Variants in PALM2AKAP2 observed in about 807,000 individuals in gnomAD.
PALM2AKAP2 encodes the protein PALM2-AKAP2 fusion protein.
PALM2AKAP2 carries 37 observed loss-of-function variants against 71.5 expected under a neutral mutation model. The observed-to-expected ratio is 0.52, with a 90% confidence interval of 0.40 to 0.68. The LOEUF is 0.68. Among genes scored for constraint, PALM2AKAP2 ranks in the 30% least tolerant of loss-of-function variants. The pLI is 0.00. For synonymous variants in PALM2AKAP2, 468 were observed against 478.8 expected (o/e 0.98, Z 0.29); for missense variants, 1,224 against 1,191.8 (o/e 1.03, Z -0.40).
intron 1 of PALM2AKAP2, among the ~76,000 whole-genome samples, chr9:109,819,709 G>GTA (rs761750888): frequency 5.4e-4 from 68 of 124,996 alleles, no homozygotes; most frequent in East Asian, 1.3e-3. Context: ...GTGTGTATGT[G>GTA]TGTGTGTGTG....
At chr9:110,117,426 A>G (rs959119196) in intron 1 of PALM2AKAP2, among the ~76,000 whole-genome samples, 7 of 152,152 alleles carry the variant, frequency 4.6e-5, no homozygotes, top group African/African-American at 1.7e-4. Context: ...TACCCTGCCA[A>G]TAATCCACAT....
At chr9:109,848,117 T>G (rs1428654463) in intron 1 of PALM2AKAP2, among the ~76,000 whole-genome samples, 4 of 152,234 alleles carry the variant, frequency 2.6e-5, no homozygotes, top group Non-Finnish European at 5.9e-5. Context: ...CACCTGCTGG[T>G]GAGTGTTACT....
intron 1 of PALM2AKAP2, among the ~76,000 whole-genome samples, chr9:109,837,252 T>C (rs1236933856): frequency 2.6e-5 from 4 of 152,164 alleles, no homozygotes; most frequent in East Asian, 1.9e-4. Context: ...GAATTTTCAA[T>C]GCAGAATTTC....
rs1482620618 is a variant in PALM2AKAP2 at position 109,867,523 on chromosome 9, C to T, written c.78C>T (p.Gly26=). 4.3e-6 allele frequency: 7 copies of T among 1,612,856 alleles called. No homozygotes were observed. The East Asian group carries it at 8.9e-5, about 21-fold the overall frequency. The change falls in exon 2 of 10, where the codon GGC becomes GGT. Residue 26 remains glycine (G), a synonymous_variant. Transcript: ENST00000302798. ...GAAAGAGGCAGACTGAAATAGAAGG[C>T]AAGCGACAACAGCTTGACGAGCAGA...
At chr9:109,935,651 C>T (rs912301345) in intron 6 of PALM2AKAP2, among the ~76,000 whole-genome samples, 1 of 152,196 alleles carries the variant, frequency 6.6e-6, no homozygotes, top group African/African-American at 2.4e-5. Context: ...TAGAATTTAG[C>T]TAGCCATGAT....
intron 1 of PALM2AKAP2, among the ~76,000 whole-genome samples, chr9:109,684,312 G>A (rs907345633): frequency 1.3e-5 from 2 of 152,106 alleles, no homozygotes; most frequent in East Asian, 3.9e-4. Context: ...CTGGCTATGC[G>A]TTGGAACCAC....
At chr9:109,904,871 G>GTGGA (rs1830411900) in intron 3 of PALM2AKAP2, among the ~76,000 whole-genome samples, 2 of 152,210 alleles carry the variant, frequency 1.3e-5, no homozygotes, top group Non-Finnish European at 2.9e-5. Context: ...AAGTCTCTGG[G>GTGGA]TGGATTTTAA....
chr9:110,017,278 T>C (rs545981386), intron 7 of PALM2AKAP2, among the ~76,000 whole-genome samples: 3 of 152,358 alleles, frequency 2.0e-5, no homozygotes, highest in Non-Finnish European at 4.4e-5. Context: ...TTGTGTTGTC[T>C]ATGTTACAAA....
chr9:110,083,273 A>G (rs1311607641), intron 1 of PALM2AKAP2, among the ~76,000 whole-genome samples: 1 of 152,188 alleles, frequency 6.6e-6, no homozygotes, highest in African/African-American at 2.4e-5. Flanking sequence ...CAGTGGAATC[A>G]TATAGTATTT....
chr9:109,763,169 T>C (rs963276461), intron 1 of PALM2AKAP2, among the ~76,000 whole-genome samples: 1 of 151,970 alleles, frequency 6.6e-6, no homozygotes, highest in Non-Finnish European at 1.5e-5. Flanking sequence ...CGGGGGTCAC[T>C]GTGGCATGAA....
intron 1 of PALM2AKAP2, among the ~76,000 whole-genome samples, chr9:109,643,194 T>A (rs62581667): frequency 0.24 from 35,732 of 151,938 alleles, 4,577 homozygotes; most frequent in African/African-American, 0.36. Context: ...ACTGTTGATG[T>A]GAGAACTAGC....
At chr9:110,083,512 T>C (rs1186375537) in intron 1 of PALM2AKAP2, among the ~76,000 whole-genome samples, 2 of 152,356 alleles carry the variant, frequency 1.3e-5, no homozygotes, top group African/African-American at 2.4e-5. Context: ...GCCTTCCCCA[T>C]TGACAGCCTA....
intron 1 of PALM2AKAP2, among the ~76,000 whole-genome samples, chr9:109,847,416 C>T (rs1199657178): frequency 1.3e-5 from 2 of 152,172 alleles, no homozygotes; most frequent in Non-Finnish European, 2.9e-5. Flanking sequence ...TGGCTTTGGA[C>T]TTCTGGCCTC....
chr9:109,908,094 G>C (rs781107309), intron 3 of PALM2AKAP2, among the ~76,000 whole-genome samples: 1 of 152,182 alleles, frequency 6.6e-6, no homozygotes, highest in South Asian at 2.1e-4. Context: ...TTGAGCACAG[G>C]CTGTGTGCAA....
chr9:109,799,428 T>C (rs2131391587), intron 1 of PALM2AKAP2, among the ~76,000 whole-genome samples: 1 of 152,328 alleles, frequency 6.6e-6, no homozygotes, highest in Admixed American at 6.5e-5. Flanking sequence ...TCCCTGCCAG[T>C]GCTGGTACAT....
chr9:110,075,205 C>G (rs1834294879), intron 1 of PALM2AKAP2, among the ~76,000 whole-genome samples: 2 of 152,126 alleles, frequency 1.3e-5, no homozygotes, highest in South Asian at 4.1e-4. Flanking sequence ...TTCATCCCTA[C>G]TCTTCTAAGG....
chr9:110,164,652 T>A (rs1031461172), intron 3 of PALM2AKAP2, among the ~76,000 whole-genome samples: 26 of 151,008 alleles, frequency 1.7e-4, no homozygotes, highest in African/African-American at 6.3e-4. Flanking sequence ...TGCCTCAACC[T>A]CCTAAGTAGC....
chr9:109,824,786 A>T (rs888390576), intron 1 of PALM2AKAP2, among the ~76,000 whole-genome samples: 2 of 152,264 alleles, frequency 1.3e-5, no homozygotes, highest in Non-Finnish European at 2.9e-5. Flanking sequence ...AAGAGATTTA[A>T]CAGCTGTGTC....
intron 7 of PALM2AKAP2, among the ~76,000 whole-genome samples, chr9:110,023,301 GTTTC>G (rs1372019401): frequency 2.0e-5 from 2 of 101,418 alleles, no homozygotes; most frequent in Non-Finnish European, 3.8e-5. Context: ...TCTCATTGTG[GTTTC>G]TTTTTTTTTT....
Sources: gnomAD v4.1 joint callset for allele counts (sites outside exome capture counted in the v4.1 genomes callset) on GRCh38, gnomAD v4.1.1 for gene constraint, MANE v1.5 for transcripts, NCBI Gene and HGNC (gene_info 2026-07-23, HGNC 2026-07-21) for gene names.